The following CCDC148 variants were observed in gnomAD, a reference collection of about 807,000 sequenced individuals.
CCDC148 encodes coiled-coil domain-containing protein 148.
Under a neutral mutation model 85.7 loss-of-function variants are expected in CCDC148, and 89 were observed. That is an observed-to-expected ratio of 1.04 (90% CI 0.87 to 1.24). CCDC148 has a LOEUF of 1.24. Ranked by LOEUF, CCDC148 falls within the 50% of genes most tolerant of loss-of-function variation. The pLI is 0.00. For missense variants in CCDC148, 692 were observed against 671.7 expected (o/e 1.03, Z -0.33); for synonymous variants, 230 against 213.9 (o/e 1.08, Z -0.66).
chr2:158,342,828 G>C (rs1239933734), intron 3 of CCDC148, among the ~76,000 whole-genome samples: 1 of 152,128 alleles, frequency 6.6e-6, no homozygotes, highest in Non-Finnish European at 1.5e-5. Flanking sequence ...AATGAAACGA[G>C]GGAGAAAGCG....
chr2:158,364,134 C>T (rs1684094446), intron 1 of CCDC148, among the ~76,000 whole-genome samples: 1 of 152,160 alleles, frequency 6.6e-6, no homozygotes, highest in African/African-American at 2.4e-5. Flanking sequence ...AGGAGAACTA[C>T]AAACCACTAC....
chr2:158,212,135 C>T (rs1226774895), intron 11 of CCDC148, among the ~76,000 whole-genome samples: 5 of 152,102 alleles, frequency 3.3e-5, no homozygotes, highest in Admixed American at 1.3e-4. Context: ...ACAGACAGTC[C>T]TATTAAGAAC....
chr2:158,415,465 C>T (rs1256178562), intron 1 of CCDC148, among the ~76,000 whole-genome samples: 3 of 152,100 alleles, frequency 2.0e-5, no homozygotes, highest in Non-Finnish European at 4.4e-5. Flanking sequence ...ATAACATTCT[C>T]CCCTGGCCCC....
chr2:158,444,164 TA>T (rs1688062200), intron 1 of CCDC148, among the ~76,000 whole-genome samples: 2 of 152,150 alleles, frequency 1.3e-5, no homozygotes, highest in Admixed American at 1.3e-4. Flanking sequence ...AAATTTACAT[TA>T]TTCTAGACTT....
At chr2:158,180,784 G>A (rs1684860820) in intron 11 of CCDC148, among the ~76,000 whole-genome samples, 1 of 152,060 alleles carries the variant, frequency 6.6e-6, no homozygotes, top group African/African-American at 2.4e-5. Flanking sequence ...GAGAGACACA[G>A]GAGAGGAAAG....
chr2:158,304,197 C>A (rs956866990), intron 9 of CCDC148, among the ~76,000 whole-genome samples: 1 of 152,064 alleles, frequency 6.6e-6, no homozygotes, highest in Non-Finnish European at 1.5e-5. Context: ...CTTCTTCTTT[C>A]ATTCCCCAGA....
At chr2:158,439,524 T>C (rs916512639) in intron 1 of CCDC148, among the ~76,000 whole-genome samples, 2 of 151,784 alleles carry the variant, frequency 1.3e-5, no homozygotes, top group African/African-American at 4.8e-5. Context: ...ATACCTAATG[T>C]AAATGATGAG....
intron 7 of CCDC148, among the ~76,000 whole-genome samples, chr2:158,329,741 G>C (rs1420826968): frequency 2.0e-5 from 3 of 152,000 alleles, no homozygotes; most frequent in Admixed American, 6.6e-5. Context: ...TTGTAAGTTG[G>C]ATTCCTAGGT....
chr2:158,229,401 T>C (rs969153039), intron 10 of CCDC148, among the ~76,000 whole-genome samples: 2 of 152,216 alleles, frequency 1.3e-5, no homozygotes, highest in Admixed American at 1.3e-4. Context: ...AAACATAGCA[T>C]GTACTTAATA....
rs369429655 is a variant in CCDC148 at position 158,436,444 on chromosome 2, A to C, written c.25+19971T>G. Among the ~76,000 whole-genome samples, 13 of 152,342 alleles carry C rather than the reference A, an allele frequency of 8.5e-5. No individual in the cohort carries two copies. In the South Asian group the frequency reaches 2.3e-3, roughly 27 times the overall value. ...TGAAACCAATGAGAACAAAGACACAACATACCAGAATCTCTGGGACACATT... is the reference window on the plus strand; with the variant it reads ...TGAAACCAATGAGAACAAAGACACACCATACCAGAATCTCTGGGACACATT... On this transcript the variant is annotated intron_variant, in intron 1 of 13. Coordinates refer to ENST00000283233, the MANE Select transcript of CCDC148 (RefSeq NM_138803.4).
chr2:158,376,227 TCA>T (rs1684644365), intron 1 of CCDC148, among the ~76,000 whole-genome samples: 2 of 152,084 alleles, frequency 1.3e-5, no homozygotes, highest in African/African-American at 2.4e-5. Context: ...TAATAGAATT[TCA>T]CATGCAGTTT....
At chr2:158,433,278 A>ATATATATATATATAT (rs1193160417) in intron 1 of CCDC148, among the ~76,000 whole-genome samples, 3 of 127,626 alleles carry the variant, frequency 2.4e-5, no homozygotes, top group South Asian at 2.3e-4. Flanking sequence ...ATATATATAT[A>ATATATATATATATAT]AAACAAAAGC....
At chr2:158,424,814 T>C (rs1254971135) in intron 1 of CCDC148, 3 of 200,434 alleles carry the variant, frequency 1.5e-5, no homozygotes, top group Non-Finnish European at 3.1e-5. Flanking sequence ...TTGGAGCCTT[T>C]GGAAAGTTTG....
At chr2:158,399,430 G>A (rs533226103) in intron 1 of CCDC148, among the ~76,000 whole-genome samples, 11 of 152,180 alleles carry the variant, frequency 7.2e-5, no homozygotes, top group East Asian at 3.9e-4. Context: ...TATCCACCAC[G>A]ATCAAGTCAG....
chr2:158,369,185 T>C (rs1684327942), intron 1 of CCDC148, among the ~76,000 whole-genome samples: 1 of 152,112 alleles, frequency 6.6e-6, no homozygotes, highest in Non-Finnish European at 1.5e-5. Context: ...AAGTTTAAAG[T>C]AGTTTTTTTT....
intron 11 of CCDC148, among the ~76,000 whole-genome samples, chr2:158,202,585 C>T (rs1686024014): frequency 1.3e-5 from 2 of 152,170 alleles, no homozygotes; most frequent in African/African-American, 4.8e-5. Flanking sequence ...ATATTTCAGG[C>T]CTGCAGGCCA....
At chr2:158,385,992 C>T (rs1433458433) in intron 1 of CCDC148, among the ~76,000 whole-genome samples, 1 of 152,114 alleles carries the variant, frequency 6.6e-6, no homozygotes, top group Non-Finnish European at 1.5e-5. Context: ...TGGCCTCTCA[C>T]TCCTAATGTG....
chr2:158,360,245 G>A lies in CCDC148; in HGVS notation c.26-1675C>T, dbSNP rs547581832. ...CTTGGAGGAAGGGGCAGCTGTGAGC[G>A]CAGCTTCAGCAAACTTAGACGTCCC... is the stretch of plus-strand genomic sequence containing the variant. On this transcript the variant is annotated intron_variant, in intron 1 of 13. Transcript: ENST00000283233. Among the ~76,000 whole-genome samples the A allele has an allele frequency of 7.9e-5, 12 of 152,292 alleles. No homozygotes were observed. The South Asian group carries it at 1.7e-3, about 21-fold the overall frequency.
At chr2:158,354,126 G>C (rs1258116268) in intron 2 of CCDC148, among the ~76,000 whole-genome samples, 2 of 151,440 alleles carry the variant, frequency 1.3e-5, no homozygotes, top group Non-Finnish European at 3.0e-5. Context: ...GAGAAAGCAG[G>C]AAAGATCCAA....
Sources: gnomAD v4.1 joint callset for allele counts (sites outside exome capture counted in the v4.1 genomes callset) on GRCh38, gnomAD v4.1.1 for gene constraint, MANE v1.5 for transcripts, NCBI Gene and HGNC (gene_info 2026-07-23, HGNC 2026-07-21) for gene names.